Variants in OR2L13 observed in about 807,000 individuals in gnomAD.
The protein encoded by OR2L13 is olfactory receptor family 2 subfamily L member 13, also known as olfactory receptor 2L13.
In OR2L13, 14 loss-of-function variants were observed where a neutral mutation model predicts 15.3. The observed-to-expected ratio is 0.91, with a 90% CI of 0.60 to 1.43. OR2L13 has a LOEUF of 1.43. OR2L13 is among the 40% of genes most tolerant of loss of function. OR2L13 has a pLI of 0.00. For missense variants in OR2L13, 367 were observed against 387.9 expected, an observed-to-expected ratio of 0.95 and a Z score of 0.45; for synonymous variants, 152 against 142.9, an observed-to-expected ratio of 1.06 and a Z score of -0.45.
chr1:247,980,378 T>C, the OR2L13 span, among the ~76,000 whole-genome samples: 1 of 152,184 alleles, frequency 6.6e-6, no homozygotes, highest in Non-Finnish European at 1.5e-5. Context: ...ATAGTTCCAC[T>C]TTTATGTTCT....
chr1:247,997,646 AG>A, the OR2L13 span, among the ~76,000 whole-genome samples: 1 of 152,168 alleles, frequency 6.6e-6, no homozygotes, highest in Admixed American at 6.5e-5. Context: ...AGTTTCATGA[AG>A]TTTAGAAACA....
chr1:248,069,439 C>T, the OR2L13 span, among the ~76,000 whole-genome samples: 1 of 152,132 alleles, frequency 6.6e-6, no homozygotes, highest in Non-Finnish European at 1.5e-5. Context: ...GATTTTGTCA[C>T]CACCAGGCCT....
the OR2L13 span, among the ~76,000 whole-genome samples, chr1:248,067,761 C>G: frequency 3.3e-5 from 5 of 152,326 alleles, no homozygotes; most frequent in Admixed American, 3.3e-4. Context: ...GGGTGACAGA[C>G]GGCACCTGGA....
the OR2L13 span, among the ~76,000 whole-genome samples, chr1:247,992,120 G>A: frequency 6.7e-6 from 1 of 148,822 alleles, no homozygotes; most frequent in Non-Finnish European, 1.5e-5. Flanking sequence ...CTACTACTCA[G>A]CCTACTCAAT....
At chr1:247,999,416 A>T in the OR2L13 span, among the ~76,000 whole-genome samples, 29 of 152,124 alleles carry the variant, frequency 1.9e-4, no homozygotes, top group South Asian at 4.1e-4. Flanking sequence ...TGTGACTTGG[A>T]AGCACACATG....
the OR2L13 span, among the ~76,000 whole-genome samples, chr1:248,034,467 A>G: frequency 2.6e-4 from 40 of 152,346 alleles, no homozygotes; most frequent in Admixed American, 6.5e-4. Context: ...GGTCCTTTGA[A>G]ATTCCATAGA....
the OR2L13 span, among the ~76,000 whole-genome samples, chr1:248,080,298 T>TTA: frequency 5.3e-5 from 8 of 152,276 alleles, no homozygotes; most frequent in African/African-American, 1.7e-4. Flanking sequence ...GAATTATACT[T>TTA]TAAGTTCTGG....
the OR2L13 span, among the ~76,000 whole-genome samples, chr1:248,069,549 G>A: frequency 6.6e-6 from 1 of 152,152 alleles, no homozygotes. Flanking sequence ...ATCGATGCTA[G>A]GAAGAAACCG....
the OR2L13 span, among the ~76,000 whole-genome samples, chr1:247,983,716 A>T: frequency 6.6e-6 from 1 of 152,196 alleles, no homozygotes; most frequent in Non-Finnish European, 1.5e-5. Flanking sequence ...GAGACACTAC[A>T]TTGGTGTTCA....
exon 3 of OR2L13, chr1:248,100,273 A>G (rs1372743049): frequency 6.2e-7 from 1 of 1,612,100 alleles, no homozygotes; most frequent in Admixed American, 1.7e-5. Context: ...CCTGGGGGCT[A>G]TGAGGAGAGT....
chr1:248,039,924 A>C, the OR2L13 span: 1 of 152,196 alleles, frequency 6.6e-6, no homozygotes, highest in South Asian at 2.1e-4. Flanking sequence ...GCTTTAGAAA[A>C]ACAAGAGTTT....
chr1:247,976,837 G>GT, the OR2L13 span, among the ~76,000 whole-genome samples: 2 of 152,264 alleles, frequency 1.3e-5, no homozygotes, highest in East Asian at 1.9e-4. Context: ...TTCTGAACAA[G>GT]TTTTGAAAAG....
At chr1:248,046,295 T>C in the OR2L13 span, among the ~76,000 whole-genome samples, 21 of 152,216 alleles carry the variant, frequency 1.4e-4, 1 homozygote, top group Non-Finnish European at 2.6e-4. Flanking sequence ...ATGTATGCGA[T>C]ATTTTAATAA....
At chr1:248,047,327 T>C in the OR2L13 span, among the ~76,000 whole-genome samples, 198 of 151,196 alleles carry the variant, frequency 1.3e-3, no homozygotes, top group Middle Eastern at 6.8e-3. Context: ...TACTTCTCAC[T>C]TTGTATTTTA....
the OR2L13 span, among the ~76,000 whole-genome samples, chr1:247,957,685 T>C: frequency 9.2e-5 from 14 of 152,150 alleles, no homozygotes; most frequent in African/African-American, 2.9e-4. Context: ...GTGTATGTGT[T>C]GAGGAATTTA....
At chr1:248,076,574 T>C in the OR2L13 span, among the ~76,000 whole-genome samples, 14 of 152,340 alleles carry the variant, frequency 9.2e-5, no homozygotes, top group East Asian at 2.7e-3. Context: ...CCCTTGTAAG[T>C]TGGATTCCTA....
chr1:248,027,142 A>G, the OR2L13 span, among the ~76,000 whole-genome samples: 4 of 152,008 alleles, frequency 2.6e-5, no homozygotes, highest in East Asian at 5.8e-4. Flanking sequence ...GGCCTCTAAA[A>G]TGGCCACTTT....
the OR2L13 span, among the ~76,000 whole-genome samples, chr1:248,077,400 C>T: frequency 2.0e-5 from 3 of 152,108 alleles, no homozygotes; most frequent in East Asian, 1.9e-4. Context: ...TTGATTGGAA[C>T]AGTTTCAGAA....
At chr1:248,059,102 A>G in the OR2L13 span, among the ~76,000 whole-genome samples, 3 of 152,180 alleles carry the variant, frequency 2.0e-5, no homozygotes, top group South Asian at 4.1e-4. Flanking sequence ...ATTTTTAATC[A>G]TTATAATCTC....
Sources: gnomAD v4.1 joint callset for allele counts (sites outside exome capture counted in the v4.1 genomes callset) on GRCh38, gnomAD v4.1.1 for gene constraint, MANE v1.5 for transcripts, NCBI Gene and HGNC (gene_info 2026-07-23, HGNC 2026-07-21) for gene names.